The following NBAS variants were observed in gnomAD, a reference collection of about 807,000 sequenced individuals.
NBAS encodes NBAS subunit of NRZ tethering complex.
Under a neutral mutation model 302.5 loss-of-function variants are expected in NBAS, and 219 were observed. That is an observed-to-expected ratio of 0.72 (90% confidence interval 0.65 to 0.81). The LOEUF (loss-of-function observed/expected upper bound fraction) is 0.81, where lower values mean the gene tolerates loss of function less well. NBAS is among the 30% of genes least tolerant of loss of function. The probability of loss-of-function intolerance (pLI) is 0.00; values close to 1 mark genes in which losing one functional copy is unlikely to be tolerated. For missense variants in NBAS, 2,932 were observed against 2,841.6 expected (o/e 1.03, Z -0.72); for synonymous variants, 1,118 against 1,021.6 (o/e 1.09, Z -1.80).
At chr2:15,193,123 C>T (rs1428758486) in intron 48 of NBAS, among the ~76,000 whole-genome samples, 1 of 152,106 alleles carries the variant, frequency 6.6e-6, no homozygotes, top group Admixed American at 6.5e-5. Flanking sequence ...TTTTGTATAG[C>T]ACCTTTCTCA....
chr2:14,989,150 T>C, the NBAS span, among the ~76,000 whole-genome samples: 2 of 152,194 alleles, frequency 1.3e-5, no homozygotes, highest in Non-Finnish European at 2.9e-5. Context: ...AGATCATAGG[T>C]GTAACATGAC....
the NBAS span, among the ~76,000 whole-genome samples, chr2:14,931,532 A>T: frequency 2.0e-5 from 3 of 152,216 alleles, no homozygotes; most frequent in Non-Finnish European, 4.4e-5. Flanking sequence ...ATGGGAAAGG[A>T]TATCAAGATA....
intron 9 of NBAS, 71 bp downstream of exon 9, chr2:15,534,472 T>G: frequency 9.2e-7 from 1 of 1,087,512 alleles, no homozygotes; most frequent in Non-Finnish European, 1.4e-6. Context: ...AGAATCAGAA[T>G]AGTTTCTTCT....
chr2:15,277,124 C>T (rs774267381), intron 42 of NBAS, 23 bp from the exon 43 acceptor site: 1 of 1,610,484 alleles, frequency 6.2e-7, no homozygotes, highest in South Asian at 1.1e-5. Context: ...GCCAAAGGAA[C>T]TGTGTTAAGA....
intron 40 of NBAS, among the ~76,000 whole-genome samples, chr2:15,296,475 G>T (rs541633115): frequency 3.8e-4 from 58 of 152,036 alleles, no homozygotes; most frequent in African/African-American, 1.4e-3. Flanking sequence ...GCAGTGAGCT[G>T]AGATTGTGCT....
chr2:15,556,915 A>G, intron 2 of NBAS, 96 bp from the exon 3 acceptor site: 2 of 932,716 alleles, frequency 2.1e-6, no homozygotes, highest in Non-Finnish European at 3.4e-6. Context: ...AATATACTAC[A>G]GAGCGAGTCA....
chr2:15,160,227 A>C, the NBAS span, among the ~76,000 whole-genome samples: 1 of 152,120 alleles, frequency 6.6e-6, no homozygotes, highest in Non-Finnish European at 1.5e-5. Context: ...GACCAGGTAG[A>C]AAATGCCAGG....
chr2:15,100,029 T>A, the NBAS span, among the ~76,000 whole-genome samples: 1 of 152,146 alleles, frequency 6.6e-6, no homozygotes, highest in Non-Finnish European at 1.5e-5. Flanking sequence ...CATATTCAAT[T>A]TTATGGATTT....
chr2:15,296,734 G>A lies in NBAS; in HGVS notation c.4798-3968C>T, dbSNP rs566713004. Among the ~76,000 whole-genome samples the A allele has an allele frequency of 6.3e-4, 96 of 152,210 alleles. No individual in the cohort carries two copies. The Middle Eastern group carries it at 0.02, about 32-fold the overall frequency. On this transcript the variant is annotated intron_variant, in intron 40 of 51. Coordinates refer to ENST00000281513, the MANE Select transcript of NBAS (RefSeq NM_015909.4). The stretch of plus-strand genomic sequence containing the variant: ...CATGCCTGTAGTCCTACCTACTAGG[G>A]AGGCTGAAGCACAAGGATCACTTGA...
rs775270580 is a variant in NBAS at position 15,352,024 on chromosome 2, C to T, written c.4147G>A (p.Ala1383Thr). 6.2e-7 allele frequency: 1 copy of T among 1,612,482 alleles called. No individual in the cohort carries two copies. ...IHHEGGENIS[A>T]SPLTSKAVQE... ...ACTGCTTTACTAGTTAATGGTGAAG[C>T]ACTGATATTTTCCCCTCCTTCATGA... Residue 1383 changes from alanine (A) to threonine (T), a missense_variant, in exon 35 of 52, where the codon GCT becomes ACT. Transcript: ENST00000281513.
At chr2:14,964,696 AC>A in the NBAS span, among the ~76,000 whole-genome samples, 1 of 152,170 alleles carries the variant, frequency 6.6e-6, no homozygotes, top group Non-Finnish European at 1.5e-5. Flanking sequence ...ATAACACCAC[AC>A]AACCTGATTA....
At chr2:14,825,638 T>C in the NBAS span, among the ~76,000 whole-genome samples, 1 of 151,984 alleles carries the variant, frequency 6.6e-6, no homozygotes, top group African/African-American at 2.4e-5. Flanking sequence ...TATTGTGGAT[T>C]TGGGGAAGAA....
chr2:15,325,605 G>A (rs1672027178), intron 38 of NBAS, among the ~76,000 whole-genome samples: 1 of 152,126 alleles, frequency 6.6e-6, no homozygotes. Flanking sequence ...GCAGTAAAAG[G>A]GACCTGTTCT....
downstream of NBAS, among the ~76,000 whole-genome samples, chr2:15,164,224 T>C (rs1490136834): frequency 6.6e-6 from 1 of 152,202 alleles, no homozygotes; most frequent in Non-Finnish European, 1.5e-5. Context: ...TATCAGTCCC[T>C]GAACAGAAAA....
chr2:14,873,066 C>T, the NBAS span, among the ~76,000 whole-genome samples: 1 of 152,158 alleles, frequency 6.6e-6, no homozygotes, highest in Non-Finnish European at 1.5e-5. Flanking sequence ...GAGGCTAGCT[C>T]GGGTGGACTG....
chr2:15,249,090 G>A (rs1030103981), intron 44 of NBAS, among the ~76,000 whole-genome samples: 1 of 151,996 alleles, frequency 6.6e-6, no homozygotes, highest in Non-Finnish European at 1.5e-5. Flanking sequence ...ACTGAATAAA[G>A]CAGCACATCA....
chr2:15,434,906 A>T (rs918358755), intron 21 of NBAS, among the ~76,000 whole-genome samples: 2 of 152,210 alleles, frequency 1.3e-5, no homozygotes. Context: ...CAATCTAATA[A>T]ATTCCACTCC....
At chr2:15,167,518 G>T (rs1401542945) in intron 51 of NBAS, among the ~76,000 whole-genome samples, 195 bp from the exon 52 acceptor site, 11 of 152,162 alleles carry the variant, frequency 7.2e-5, no homozygotes, top group Admixed American at 7.2e-4. Context: ...CTTAACATAA[G>T]AAGACACAAG....
the NBAS span, among the ~76,000 whole-genome samples, chr2:15,028,111 G>GA: frequency 6.6e-5 from 10 of 152,208 alleles, no homozygotes; most frequent in East Asian, 1.9e-4. Context: ...AATTGCCACA[G>GA]AAAAAACCTG....
Sources: gnomAD v4.1 joint callset for allele counts (sites outside exome capture counted in the v4.1 genomes callset) on GRCh38, gnomAD v4.1.1 for gene constraint, MANE v1.5 for transcripts, NCBI Gene and HGNC (gene_info 2026-07-23, HGNC 2026-07-21) for gene names.